XIRP2: variants seen among roughly 807,000 people sequenced by gnomAD.
XIRP2 encodes the protein xin actin-binding repeat-containing protein 2.
A neutral mutation model predicts 277.0 loss-of-function variants in XIRP2; 236 were observed. That is an observed-to-expected ratio of 0.85 (90% CI 0.77 to 0.95). XIRP2 has a LOEUF of 0.95. XIRP2 is among the 40% of genes least tolerant of loss of function. XIRP2 has a pLI of 0.00. For missense variants in XIRP2, 4,640 were observed against 4,157.5 expected (o/e 1.12, Z -3.19); for synonymous variants, 1,490 against 1,416.5 (o/e 1.05, Z -1.17).
chr2:167,247,039 A>G lies in XIRP2; in HGVS notation c.5647A>G (p.Lys1883Glu). 3 of 1,613,416 alleles carry G rather than the reference A, an allele frequency of 1.9e-6. No individual in the cohort carries two copies. The highest frequency in any genetic ancestry group is 2.5e-6 in the Non-Finnish European group (3 of 1,179,710). ...ACTTAAAGAATCAAGCCATCGATGG[A>G]AAGAATCTAAACAGCCTGATGCCAT... is the stretch of plus-strand genomic sequence containing the variant. ...KSLKESSHRW[K>E]ESKQPDAIPG... The change falls in exon 9 of 11, where the codon AAA becomes GAA. Residue 1883 changes from lysine (K) to glutamate (E), a missense_variant. Transcript: ENST00000409195.
At chr2:167,060,862 C>T (rs1190660046) in intron 2 of XIRP2, among the ~76,000 whole-genome samples, 1 of 151,968 alleles carries the variant, frequency 6.6e-6, no homozygotes, top group Non-Finnish European at 1.5e-5. Flanking sequence ...TACATTATTC[C>T]CATTTTCATA....
At chr2:167,163,763 C>T (rs1020839176) in intron 3 of XIRP2, among the ~76,000 whole-genome samples, 1 of 152,118 alleles carries the variant, frequency 6.6e-6, no homozygotes, top group African/African-American at 2.4e-5. Flanking sequence ...GTGCTTTCCT[C>T]TTGAAGTGTT....
intron 3 of XIRP2, among the ~76,000 whole-genome samples, chr2:167,195,695 A>G (rs914836688): frequency 1.2e-4 from 19 of 152,184 alleles, no homozygotes; most frequent in African/African-American, 3.9e-4. Context: ...CAAAAAAATC[A>G]CAAGCCAGTG....
chr2:167,100,180 T>A (rs980190676), intron 2 of XIRP2, among the ~76,000 whole-genome samples: 1 of 151,538 alleles, frequency 6.6e-6, no homozygotes, highest in Non-Finnish European at 1.5e-5. Context: ...TAAAAAAAAA[T>A]TAAAAAAAAA....
chr2:166,928,047 G>T (rs1286179350), intron 2 of XIRP2, among the ~76,000 whole-genome samples: 1 of 152,064 alleles, frequency 6.6e-6, no homozygotes, highest in Non-Finnish European at 1.5e-5. Context: ...GCCTTCAGTA[G>T]ATCAATGTCC....
intron 3 of XIRP2, among the ~76,000 whole-genome samples, chr2:167,207,811 A>T (rs1693903724): frequency 6.6e-6 from 1 of 152,076 alleles, no homozygotes; most frequent in Non-Finnish European, 1.5e-5. Context: ...TTTTCCAAGA[A>T]CCTCAAAACC....
intron 3 of XIRP2, among the ~76,000 whole-genome samples, chr2:167,191,384 G>A (rs1693329375): frequency 6.6e-6 from 1 of 151,992 alleles, no homozygotes; most frequent in Admixed American, 6.6e-5. Flanking sequence ...GTCTTGATTT[G>A]TTTCTGTACT....
At chr2:166,930,316 G>A (rs1290929039) in intron 2 of XIRP2, among the ~76,000 whole-genome samples, 1 of 152,136 alleles carries the variant, frequency 6.6e-6, no homozygotes, top group East Asian at 1.9e-4. Context: ...AGCTGGCCCA[G>A]ATTCCCCTCC....
chr2:167,032,003 C>G (rs925227115), intron 2 of XIRP2, among the ~76,000 whole-genome samples: 5 of 152,128 alleles, frequency 3.3e-5, no homozygotes, highest in African/African-American at 1.2e-4. Flanking sequence ...CAAGACAATC[C>G]TAAGCAATAA....
At chr2:167,104,291 T>C (rs1690559473) in intron 2 of XIRP2, among the ~76,000 whole-genome samples, 1 of 152,128 alleles carries the variant, frequency 6.6e-6, no homozygotes, top group African/African-American at 2.4e-5. Flanking sequence ...AAGAAGCGCA[T>C]ACTGATAAAA....
rs201086393 is a variant in XIRP2 at position 167,245,243 on chromosome 2, T to C, written c.3851T>C (p.Leu1284Ser). Residue 1284 changes from leucine to serine, a missense_variant, in exon 9 of 11, where the codon TTA becomes TCA. By Grantham distance (145) the Leu-to-Ser change is moderately radical. Transcript: ENST00000409195. ...KGCFIFETFSLDEIKEESDYI... is the reference protein window; with the variant it reads ...KGCFIFETFSSDEIKEESDYI... ...TGCTTTATTTTTGAGACTTTTTCTT[T>C]AGATGAGATTAAAGAAGAATCTGAC... 15 of 1,613,678 alleles carry C rather than the reference T, an allele frequency of 9.3e-6. No individual in the cohort carries two copies. In the African/African-American group the frequency reaches 1.2e-4, roughly 13 times the overall value.
intron 3 of XIRP2, among the ~76,000 whole-genome samples, chr2:167,145,412 G>A (rs576707053): frequency 1.3e-5 from 2 of 152,182 alleles, no homozygotes; most frequent in South Asian, 4.2e-4. Context: ...GAAGTCATTG[G>A]GAAAAAATTT....
intron 2 of XIRP2, among the ~76,000 whole-genome samples, chr2:167,084,390 G>T (rs1425467171): frequency 2.6e-5 from 4 of 151,766 alleles, no homozygotes; most frequent in African/African-American, 7.3e-5. Context: ...AAGGATATTG[G>T]TCTAAAATTC....
chr2:167,068,513 A>G (rs1689359844), intron 2 of XIRP2, among the ~76,000 whole-genome samples: 1 of 152,210 alleles, frequency 6.6e-6, no homozygotes, highest in African/African-American at 2.4e-5. Flanking sequence ...AAAGCTCTAG[A>G]ACAGGGTCAG....
At chr2:167,057,524 C>T (rs1193053493) in intron 2 of XIRP2, among the ~76,000 whole-genome samples, 3 of 152,094 alleles carry the variant, frequency 2.0e-5, no homozygotes, top group Admixed American at 1.3e-4. Context: ...AGCAAGCATT[C>T]GATAAACAGT....
chr2:166,932,825 T>C (rs1348953164), intron 2 of XIRP2, among the ~76,000 whole-genome samples: 1 of 152,146 alleles, frequency 6.6e-6, no homozygotes, highest in African/African-American at 2.4e-5. Flanking sequence ...TGCATTGCCA[T>C]GACATGTTTG....
chr2:167,217,189 C>T (rs1308499960), intron 4 of XIRP2, among the ~76,000 whole-genome samples: 5 of 147,574 alleles, frequency 3.4e-5, no homozygotes, highest in East Asian at 2.0e-4. Context: ...TGCTAGATGA[C>T]GAGTTAGTGG....
At position 167,214,222 on chromosome 2, in the gene XIRP2, G is replaced by GGAAGGAAGGAAGGA. The variant is rs1559024035; in HGVS notation, c.723+3327_723+3328insGAAGGAAGGAAGGA. Among the ~76,000 whole-genome samples, 63 of 68,448 alleles carry GGAAGGAAGGAAGGA rather than the reference G, an allele frequency of 9.2e-4. 2 individuals are homozygous for GGAAGGAAGGAAGGA. In the East Asian group the frequency reaches 0.012, roughly 13 times the overall value. The allele number at this position is 68,448 out of a possible 152,430, so 44.9% of individuals were successfully genotyped here. A position where few individuals can be genotyped will look rare whatever the true frequency, so the allele number is the denominator to read the frequency against. ...AGAGAAAGAGAGGGAGGGAGGGAGG[G>GGAAGGAAGGAAGGA]AGGGAGGAAGGAAGGAAGGAAGGAA... On this transcript the variant is annotated intron_variant, in intron 4 of 10. Transcript: ENST00000409195.
At chr2:166,944,762 C>T (rs1191806907) in intron 2 of XIRP2, among the ~76,000 whole-genome samples, 1 of 152,082 alleles carries the variant, frequency 6.6e-6, no homozygotes. Flanking sequence ...GGTGTTATTA[C>T]TAAAATCATC....
Sources: allele counts gnomAD v4.1 joint callset (sites outside exome capture counted in the v4.1 genomes callset), GRCh38; gene constraint gnomAD v4.1.1; transcripts MANE v1.5; gene names NCBI Gene and HGNC (gene_info 2026-07-23, HGNC 2026-07-21).